Variants in UGT1A10 observed in about 807,000 individuals in gnomAD.
UGT1A10 encodes the protein UDP-glucuronosyltransferase 1A10.
In UGT1A10, 49 loss-of-function variants were observed where a neutral mutation model predicts 45.8. That is an observed-to-expected ratio of 1.07 (90% confidence interval 0.85 to 1.36). The LOEUF is 1.36. Among genes scored for constraint, UGT1A10 ranks in the 40% most tolerant of loss-of-function variants. The probability of loss-of-function intolerance (pLI) is 0.00; values close to 1 mark genes in which losing one functional copy is unlikely to be tolerated. For synonymous variants in UGT1A10, 284 were observed against 249.7 expected, an observed-to-expected ratio of 1.14 and a Z score of -1.29; for missense variants, 745 against 668.6, an observed-to-expected ratio of 1.11 and a Z score of -1.26.
chr2:233,756,814 A>G (rs985210538), intron 1 of UGT1A10, among the ~76,000 whole-genome samples: 39 of 152,110 alleles, frequency 2.6e-4, no homozygotes, highest in Admixed American at 5.2e-4. Flanking sequence ...AGGTCACTCA[A>G]TTCCAAGGGG....
At chr2:233,677,805 G>A (rs1490185432) in intron 1 of UGT1A10, among the ~76,000 whole-genome samples, 6 of 151,870 alleles carry the variant, frequency 4.0e-5, no homozygotes, top group Non-Finnish European at 5.9e-5. Context: ...ACTGTCATTC[G>A]ACCCAGCAAT....
At chr2:233,722,096 T>C (rs1392126534) in intron 1 of UGT1A10, 1 of 203,514 alleles carries the variant, frequency 4.9e-6, no homozygotes, top group East Asian at 1.4e-4. Context: ...ACCTTAGGCC[T>C]CTTAGAGGAA....
chr2:233,740,338 G>C (rs1156245808), intron 1 of UGT1A10, among the ~76,000 whole-genome samples: 2 of 151,948 alleles, frequency 1.3e-5, no homozygotes, highest in Admixed American at 1.3e-4. Context: ...TGAGAAAGTT[G>C]ATGAGAAAGT....
chr2:233,679,840 A>G (rs1360077561), intron 1 of UGT1A10, among the ~76,000 whole-genome samples: 2 of 152,132 alleles, frequency 1.3e-5, no homozygotes, highest in Non-Finnish European at 2.9e-5. Context: ...ATTTTTCTCA[A>G]ATCACATTGG....
chr2:233,704,354 C>A (rs11683974), intron 1 of UGT1A10, among the ~76,000 whole-genome samples: 1 of 147,722 alleles, frequency 6.8e-6, no homozygotes, highest in Admixed American at 6.8e-5. Context: ...GTGTTCTGAG[C>A]GGTTGTTCTA....
At chr2:233,652,096 C>T (rs1233931321) in intron 1 of UGT1A10, among the ~76,000 whole-genome samples, 1 of 152,098 alleles carries the variant, frequency 6.6e-6, no homozygotes, top group Non-Finnish European at 1.5e-5. Flanking sequence ...TACTCTTTAC[C>T]ATCCAGGGTG....
intron 1 of UGT1A10, among the ~76,000 whole-genome samples, chr2:233,661,814 T>C (rs2073977746): frequency 6.6e-6 from 1 of 151,888 alleles, no homozygotes; most frequent in Non-Finnish European, 1.5e-5. Context: ...CTCTGCTTCA[T>C]GGGAGCACTT....
chr2:233,664,607 A>G (rs2074037223), intron 1 of UGT1A10, among the ~76,000 whole-genome samples: 1 of 152,206 alleles, frequency 6.6e-6, no homozygotes, highest in Admixed American at 6.5e-5. Context: ...AAGCAGGATC[A>G]AGAGAGAGTT....
At chr2:233,754,747 A>G (rs527716521) in intron 1 of UGT1A10, 1 of 765,704 alleles carries the variant, frequency 1.3e-6, no homozygotes, top group African/African-American at 1.8e-5. Context: ...GACATGCAGA[A>G]GGAAGAAAGG....
chr2:233,665,917 T>A (rs1233244430), intron 1 of UGT1A10, among the ~76,000 whole-genome samples: 1 of 152,140 alleles, frequency 6.6e-6, no homozygotes, highest in Non-Finnish European at 1.5e-5. Context: ...ATATGAGAGG[T>A]CCAGCTGTTC....
chr2:233,712,550 T>A (rs2076239846), intron 1 of UGT1A10, among the ~76,000 whole-genome samples: 2 of 151,862 alleles, frequency 1.3e-5, no homozygotes, highest in Admixed American at 1.3e-4. Flanking sequence ...GAAGAAAGAG[T>A]ATTAAGAGTT....
chr2:233,636,699 G>T lies in UGT1A10; in HGVS notation c.177G>T (p.Met59Ile). The T allele has an allele frequency of 2.5e-6, 4 of 1,614,132 alleles. No homozygotes were observed. The highest frequency in any genetic ancestry group is 3.4e-6 in the Non-Finnish European group (4 of 1,179,972). ...ILRGHEVVVV[M>I]PEVSWQLERS... ...GGGGGCATGAGGTGGTTGTAGTCATGCCAGAGGTGAGTTGGCAACTGGAAA... is the reference window on the plus strand; with the variant it reads ...GGGGGCATGAGGTGGTTGTAGTCATTCCAGAGGTGAGTTGGCAACTGGAAA... Residue 59 changes from methionine to isoleucine, a missense_variant, in exon 1 of 5, where the codon ATG becomes ATT. Met to Ile is a conservative substitution (Grantham distance 10). Coordinates refer to ENST00000344644, the MANE Select transcript of UGT1A10 (RefSeq NM_019075.4).
chr2:233,759,291 G>A (rs2003569), intron 1 of UGT1A10, among the ~76,000 whole-genome samples: 24,209 of 152,142 alleles, frequency 0.16, 2,312 homozygotes, highest in African/African-American at 0.25. Flanking sequence ...TGATGAAGCT[G>A]AGCCCTGAGT....
At chr2:233,768,026 TG>T (rs1699551071) in intron 3 of UGT1A10, 90 bp downstream of exon 3, 2 of 1,613,156 alleles carry the variant, frequency 1.2e-6, no homozygotes, top group Non-Finnish European at 1.7e-6. Context: ...TTGTTGAGCT[TG>T]AAAATATTAT....
intron 1 of UGT1A10, among the ~76,000 whole-genome samples, chr2:233,652,128 G>A (rs2073757874): frequency 1.3e-5 from 2 of 152,196 alleles, no homozygotes; most frequent in South Asian, 2.1e-4. Context: ...GGAGAACTGG[G>A]GATGGGAGGT....
At chr2:233,638,715 C>T (rs534152661) in intron 1 of UGT1A10, among the ~76,000 whole-genome samples, 1 of 152,248 alleles carries the variant, frequency 6.6e-6, no homozygotes, top group East Asian at 1.9e-4. Context: ...TGGTTTCTTA[C>T]AAGATTCAGT....
intron 1 of UGT1A10, among the ~76,000 whole-genome samples, chr2:233,695,066 C>A (rs575360718): frequency 1.3e-5 from 2 of 152,204 alleles, no homozygotes; most frequent in African/African-American, 4.8e-5. Flanking sequence ...TGTGCTATCG[C>A]ACTTTGGACT....
chr2:233,663,475 A>G (rs567601194), intron 1 of UGT1A10, among the ~76,000 whole-genome samples: 2 of 152,212 alleles, frequency 1.3e-5, no homozygotes, highest in South Asian at 4.2e-4. Flanking sequence ...CAGTTTATTG[A>G]TCTGGGTGGT....
At chr2:233,684,395 T>C (rs4347832) in intron 1 of UGT1A10, among the ~76,000 whole-genome samples, 59,172 of 151,980 alleles carry the variant, frequency 0.39, 11,716 homozygotes, top group South Asian at 0.45. Context: ...GCACCAGCCA[T>C]CACTCAGGTA....
Sources: gnomAD v4.1 joint callset for allele counts (sites outside exome capture counted in the v4.1 genomes callset) on GRCh38, gnomAD v4.1.1 for gene constraint, MANE v1.5 for transcripts, NCBI Gene and HGNC (gene_info 2026-07-23, HGNC 2026-07-21) for gene names.